Variants in ASPHD2 observed in about 807,000 individuals in gnomAD.
The protein encoded by ASPHD2 is aspartate beta-hydroxylase domain containing 2, also known as aspartate beta-hydroxylase domain-containing protein 2.
Under a neutral mutation model 34.6 loss-of-function variants are expected in ASPHD2, and 12 were observed. The observed-to-expected ratio is 0.35, with a 90% CI of 0.22 to 0.56. ASPHD2 has a LOEUF of 0.56. ASPHD2 is among the 20% of genes least tolerant of loss of function. The pLI is 0.87. For missense variants in ASPHD2, 375 were observed against 505.0 expected, an observed-to-expected ratio of 0.74 and a Z score of 2.47; for synonymous variants, 224 against 212.2, an observed-to-expected ratio of 1.06 and a Z score of -0.48.
chr22:26,430,757 A>G (rs2084751526), intron 1 of ASPHD2, among the ~76,000 whole-genome samples: 1 of 152,170 alleles, frequency 6.6e-6, no homozygotes, highest in South Asian at 2.1e-4. Flanking sequence ...GCTAAAAGTG[A>G]CTGACAGGTA....
intron 1 of ASPHD2, among the ~76,000 whole-genome samples, chr22:26,431,147 G>A (rs1345877377): frequency 6.6e-6 from 1 of 152,178 alleles, no homozygotes; most frequent in Non-Finnish European, 1.5e-5. Flanking sequence ...TCAGTGATGG[G>A]GGAAATCCTT....
At chr22:26,435,737 AAAGAAAAGAAAAG>A (rs1273332565) in intron 2 of ASPHD2, among the ~76,000 whole-genome samples, 1 of 150,962 alleles carries the variant, frequency 6.6e-6, no homozygotes, top group East Asian at 1.9e-4. Flanking sequence ...AAAGAAAAGA[AAAGAAAAGAAAAG>A]AAAAGAAAAG....
rs757396047 is a variant in ASPHD2 at position 26,434,131 on chromosome 22, C to T, written c.516C>T (p.Asp172=). 6.2e-7 allele frequency: 1 copy of T among 1,612,244 alleles called. No homozygotes were observed. Among genetic ancestry groups the T allele is most frequent in the East Asian group, 2.2e-5 (1 of 44,870 alleles). The change falls in exon 2 of 4, where the codon GAC becomes GAT. Residue 172 remains aspartate (D), a synonymous_variant. Transcript: ENST00000215906. ...AGCCCGAGGTCTTCTTCCTGCCCGA[C>T]CTGCCCACCACGCCCTATTTCTCCC... is the stretch of plus-strand genomic sequence containing the variant. The part of the protein sequence containing the change: ...IQKPEVFFLP[D]LPTTPYFSRD...
chr22:26,435,732 AAAGAAAAG>A (rs1568982936), intron 2 of ASPHD2, among the ~76,000 whole-genome samples: 1 of 133,146 alleles, frequency 7.5e-6, no homozygotes, highest in Non-Finnish European at 1.7e-5. Flanking sequence ...AAAGAAAAGA[AAAGAAAAG>A]AAAAGAAAAG....
intron 2 of ASPHD2, among the ~76,000 whole-genome samples, chr22:26,437,037 G>T (rs2084796973): frequency 6.6e-6 from 1 of 152,176 alleles, no homozygotes; most frequent in South Asian, 2.1e-4. Context: ...GCCAAGGCGA[G>T]CTCCCTGGTT....
intron 2 of ASPHD2, among the ~76,000 whole-genome samples, chr22:26,438,600 C>CATATACATATATATATACACACAT (rs2084813920): frequency 2.9e-5 from 2 of 69,560 alleles, no homozygotes; most frequent in African/African-American, 4.2e-5. Flanking sequence ...TATATACACA[C>CATATACATATATATATACACACAT]ATATATACAT....
chr22:26,433,535 C>T lies in ASPHD2; in HGVS notation c.-81C>T, dbSNP rs1008268437. ...GGCCAACCTTGTCGTTCATCAATGC[C>T]GCCCCTGGCAGTATCTGAGGATCGG... On this transcript the variant is annotated 5_prime_UTR_variant, in exon 2 of 4. Coordinates refer to ENST00000215906, the MANE Select transcript of ASPHD2 (RefSeq NM_020437.5). This position sits in a 1 kb window ranked among gnomAD's most constrained non-coding sequence, Gnocchi z 5.1. 2.6e-5 allele frequency: 28 copies of T among 1,070,486 alleles called. No individual in the cohort carries two copies. Among genetic ancestry groups the T allele is most frequent in the African/African-American group, 9.5e-5 (6 of 62,872 alleles). The allele number at this position is 1,070,486 out of a possible 1,614,324, so 66.3% of individuals were successfully genotyped here.
In ASPHD2 at chr22:26,433,702, C is replaced by G; in HGVS notation, c.87C>G (p.Leu29=). 1 of 1,614,096 alleles carries G rather than the reference C, an allele frequency of 6.2e-7. No individual in the cohort carries two copies. Among genetic ancestry groups the G allele is most frequent in the Non-Finnish European group, 8.5e-7 (1 of 1,180,034 alleles). The change falls in exon 2 of 4, where the codon CTC becomes CTG. Residue 29 remains leucine, a synonymous_variant. Transcript: ENST00000215906. The surrounding 1 kb of genome is among the most constrained non-coding windows in gnomAD (Gnocchi z 5.1). ...GTAAGGACTCCCCCAAGATGTCGCT[C>G]GAGTGGCTGGTGGCCTGGAGCTGGT... ...TPSKDSPKMS[L]EWLVAWSWSL...
chr22:26,429,845 C>T lies in ASPHD2; in HGVS notation c.-225+359C>T, dbSNP rs2084746172. ...CCCCTCCCCCAGCCCTCAGCATCAC[C>T]CACTTCCCATATTTCACGTGGTGAC... On this transcript the variant is annotated intron_variant, in intron 1 of 3. Coordinates refer to ENST00000215906, the MANE Select transcript of ASPHD2 (RefSeq NM_020437.5). The surrounding 1 kb of genome is among the most constrained non-coding windows in gnomAD (Gnocchi z 4.5). 1.3e-5 allele frequency among the ~76,000 whole-genome samples: 2 copies of T among 152,146 alleles called. No homozygotes were observed. Among genetic ancestry groups the T allele is most frequent in the Non-Finnish European group, 2.9e-5 (2 of 68,024 alleles).
At chr22:26,436,746 CAA>C (rs1450354281) in intron 2 of ASPHD2, among the ~76,000 whole-genome samples, 1 of 152,154 alleles carries the variant, frequency 6.6e-6, no homozygotes, top group Non-Finnish European at 1.5e-5. Context: ...GGTAGAATTT[CAA>C]AGAGGTGTGA....
chr22:26,441,401 C>T (rs184860986), intron 2 of ASPHD2, among the ~76,000 whole-genome samples: 118 of 148,944 alleles, frequency 7.9e-4, no homozygotes, highest in African/African-American at 2.7e-3. Context: ...TCTCTAGAGC[C>T]TAGGAGGTGA....
chr22:26,437,026 G>A (rs1489276606), intron 2 of ASPHD2, among the ~76,000 whole-genome samples: 1 of 152,160 alleles, frequency 6.6e-6, no homozygotes, highest in Non-Finnish European at 1.5e-5. Flanking sequence ...TGTTCTCCAC[G>A]GCCAAGGCGA....
At chr22:26,436,526 G>A (rs1324714952) in intron 2 of ASPHD2, among the ~76,000 whole-genome samples, 2 of 152,222 alleles carry the variant, frequency 1.3e-5, no homozygotes, top group Non-Finnish European at 2.9e-5. Flanking sequence ...GCTTGGGGAA[G>A]CCGGGTCTAG....
At chr22:26,438,812 C>T (rs1272830834) in intron 2 of ASPHD2, among the ~76,000 whole-genome samples, 1 of 151,978 alleles carries the variant, frequency 6.6e-6, no homozygotes, top group Non-Finnish European at 1.5e-5. Context: ...GCTGAAGAAC[C>T]TGGAGTCCGA....
At position 26,433,846 on chromosome 22, in the gene ASPHD2, C is replaced by T. The variant is rs772420210; in HGVS notation, c.231C>T (p.His77=). ...TCCTCTTCGTGTGGTACTGTTATCA[C>T]GTGGGCAGGGAGCAGCCCCGGCCCT... ...LLVLFVWYCY[H]VGREQPRPYV... is the part of the protein sequence containing the mutation. Residue 77 remains histidine (H), a synonymous_variant, in exon 2 of 4, where the codon CAC becomes CAT. Transcript: ENST00000215906. The surrounding 1 kb of genome is among the most constrained non-coding windows in gnomAD (Gnocchi z 5.1). 5.6e-6 allele frequency: 9 copies of T among 1,613,984 alleles called. No individual in the cohort carries two copies. In the East Asian group the frequency reaches 6.7e-5, roughly 12 times the overall value.
In ASPHD2 at chr22:26,434,056, G is replaced by C; in HGVS notation, c.441G>C (p.Lys147Asn). The C allele has an allele frequency of 6.2e-7, 1 of 1,613,478 alleles. No individual in the cohort carries two copies. The stretch of plus-strand genomic sequence containing the variant: ...GGTCCGGCATGGGCCGCATCCACAA[G>C]GGCATCCGCGAGCAGGGCCGGTACC... The part of the protein sequence containing the change: ...YSWSGMGRIH[K>N]GIREQGRYLN... The change falls in exon 2 of 4, where the codon AAG becomes AAC. Residue 147 changes from lysine (K) to asparagine (N), a missense_variant. Transcript: ENST00000215906.
At chr22:26,437,009 C>T (rs1178658807) in intron 2 of ASPHD2, among the ~76,000 whole-genome samples, 1 of 152,186 alleles carries the variant, frequency 6.6e-6, no homozygotes, top group African/African-American at 2.4e-5. Context: ...CCCACTGTGG[C>T]GTGGCTTGTT....
chr22:26,440,497 C>T (rs757805121), intron 2 of ASPHD2, among the ~76,000 whole-genome samples: 9 of 151,882 alleles, frequency 5.9e-5, no homozygotes, highest in Non-Finnish European at 1.2e-4. Context: ...ATGCCTGGCT[C>T]ATTTTGGATA....
At chr22:26,441,470 C>G (rs1024588387) in intron 2 of ASPHD2, among the ~76,000 whole-genome samples, 2 of 96,998 alleles carry the variant, frequency 2.1e-5, no homozygotes, top group Non-Finnish European at 3.8e-5. Flanking sequence ...AGAACAAGAC[C>G]TTGTATCTAA....
Sources: allele counts gnomAD v4.1 joint callset (sites outside exome capture counted in the v4.1 genomes callset), GRCh38; gene constraint gnomAD v4.1.1; non-coding constraint Gnocchi (gnomAD v3.1); transcripts MANE v1.5; gene names NCBI Gene and HGNC (gene_info 2026-07-23, HGNC 2026-07-21).